Variants in GDF15 observed in about 807,000 individuals in gnomAD.
The protein encoded by GDF15 is growth/differentiation factor 15.
A neutral mutation model predicts 8.9 loss-of-function variants in GDF15; 10 were observed. The ratio of observed to expected loss-of-function variants is 1.12; its 90% CI spans 0.69 to 1.90. The LOEUF (loss-of-function observed/expected upper bound fraction) is 1.90, where lower values mean the gene tolerates loss of function less well. Among genes scored for constraint, GDF15 ranks in the 40% most tolerant of loss-of-function variants. The pLI, the probability that GDF15 is intolerant of heterozygous loss-of-function variation, is 0.00. For synonymous variants in GDF15, 228 were observed against 210.6 expected, an observed-to-expected ratio of 1.08 and a Z score of -0.72; for missense variants, 452 against 434.2, an observed-to-expected ratio of 1.04 and a Z score of -0.36.
chr19:18,386,819 C>T, intron 1 of GDF15: 1 of 285,936 alleles, frequency 3.5e-6, no homozygotes. Context: ...CCAAGAGAAA[C>T]AATGGGGGTG....
In GDF15 at chr19:18,388,281, C is replaced by A. The variant is rs763610802; in HGVS notation, c.278-5C>A. 6.2e-7 allele frequency: 1 copy of A among 1,610,112 alleles called. No individual in the cohort carries two copies. The highest frequency in any genetic ancestry group is 8.5e-7 in the Non-Finnish European group (1 of 1,179,394). On this transcript the variant is annotated splice_region_variant and splice_polypyrimidine_tract_variant and intron_variant, in intron 1 of 1. Coordinates refer to ENST00000252809, the MANE Select transcript of GDF15 (RefSeq NM_004864.4). The surrounding 1 kb of genome is among the most constrained non-coding windows in gnomAD (Gnocchi z 4.2). ...TGACCAGCTTCCCTATCTGTCTTCC[C>A]ACAGTGCGGCTGGGATCCGGCGGCC...
rs1305037947 is a variant in GDF15, at chr19:18,388,937, C to T, written c.*2C>T. ...GCCAAAGACTGCCACTGCATATGAG[C>T]AGTCCTGGTCCTTCCACTGTGCACC... On this transcript the variant is annotated 3_prime_UTR_variant, in exon 2 of 2. Transcript: ENST00000252809. The surrounding 1 kb of genome is among the most constrained non-coding windows in gnomAD (Gnocchi z 4.2). 3 of 1,586,596 alleles carry T rather than the reference C, an allele frequency of 1.9e-6. No homozygotes were observed. Among genetic ancestry groups the T allele is most frequent in the Admixed American group, 3.4e-5 (2 of 59,044 alleles).
At position 18,387,902 on chromosome 19, in the gene GDF15, ACCTCCACCGCCCC is replaced by A. The variant is rs1971849941; in HGVS notation, c.278-383_278-371del. Among the ~76,000 whole-genome samples, 4 of 141,030 alleles carry A rather than the reference ACCTCCACCGCCCC, an allele frequency of 2.8e-5. No homozygotes were observed. In the Admixed American group the frequency reaches 3.0e-4, roughly 11 times the overall value. The allele number at this position is 141,030 out of a possible 152,430, so 92.5% of individuals were successfully genotyped here. ...AGTGGCACGATCTTGGCTCACTGCA[ACCTCCACCGCCCC>A]GATTCAAGCCATTCTTCTGCCTCAG... is the stretch of plus-strand genomic sequence containing the variant. On this transcript the variant is annotated intron_variant, in intron 1 of 1. Coordinates refer to ENST00000252809, the MANE Select transcript of GDF15 (RefSeq NM_004864.4).
At position 18,388,652 on chromosome 19, in the gene GDF15, C is replaced by T; in HGVS notation, c.644C>T (p.Thr215Met). Residue 215 changes from threonine to methionine, a missense_variant, in exon 2 of 2, where the codon ACG becomes ATG. Transcript: ENST00000252809. The surrounding 1 kb of genome is among the most constrained non-coding windows in gnomAD (Gnocchi z 4.2). ...CCCGGGCGTTGCTGCCGTCTGCACA[C>T]GGTCCGCGCGTCGCTGGAAGACCTG... ...LGPGRCCRLH[T>M]VRASLEDLGW... The T allele has an allele frequency of 6.2e-7, 1 of 1,601,376 alleles. No individual in the cohort carries two copies. Among genetic ancestry groups the T allele is most frequent in the Non-Finnish European group, 8.5e-7 (1 of 1,174,908 alleles).
At position 18,387,125 on chromosome 19, in the gene GDF15, C is replaced by T. The variant is rs778775416; in HGVS notation, c.277+659C>T. On this transcript the variant is annotated intron_variant, in intron 1 of 1. Coordinates refer to ENST00000252809, the MANE Select transcript of GDF15 (RefSeq NM_004864.4). ...CGGCAAACCTCTCACCCTTGCTAAG[C>T]CTAGCAACTAGGTTAAGGCACCCTC... 2.0e-5 allele frequency: 3 copies of T among 152,978 alleles called. No individual in the cohort carries two copies. The East Asian group carries it at 5.8e-4, about 30-fold the overall frequency. The allele number at this position is 152,978 out of a possible 1,614,324, so 9.5% of individuals were successfully genotyped here.
chr19:18,388,589 G>A lies in GDF15; in HGVS notation c.581G>A (p.Arg194Lys), dbSNP rs1404100401. Reference protein sequence around the residue: ...LRPQAARGRRRARARNGDHCP... With the variant: ...LRPQAARGRRKARARNGDHCP... ...CCGCAAGCCGCCAGGGGGCGCCGCA[G>A]AGCGCGTGCGCGCAACGGGGACCAC... is the stretch of plus-strand genomic sequence containing the variant. The change falls in exon 2 of 2, where the codon AGA becomes AAA. Residue 194 changes from arginine (R) to lysine (K), a missense_variant. By Grantham distance (26) the Arg-to-Lys change is conservative. Coordinates refer to ENST00000252809, the MANE Select transcript of GDF15 (RefSeq NM_004864.4). The surrounding 1 kb of genome is among the most constrained non-coding windows in gnomAD (Gnocchi z 4.2). 9 of 1,600,684 alleles carry A rather than the reference G, an allele frequency of 5.6e-6. No individual in the cohort carries two copies. Among genetic ancestry groups the A allele is most frequent in the Non-Finnish European group, 7.6e-6 (9 of 1,177,068 alleles).
intron 1 of GDF15, 58 bp downstream of exon 1, chr19:18,386,524 G>C (rs912186813): frequency 7.0e-7 from 1 of 1,429,544 alleles, no homozygotes; most frequent in East Asian, 2.4e-5. Flanking sequence ...TATCTAATCA[G>C]GGATTCCTCA....
At chr19:18,386,822 TG>T (rs1356813092) in intron 1 of GDF15, 20 of 267,216 alleles carry the variant, frequency 7.5e-5, no homozygotes, top group African/African-American at 1.3e-4. Flanking sequence ...AGAGAAACAA[TG>T]GGGGTGTGGT....
At position 18,386,319 on chromosome 19, in the gene GDF15, TCA is replaced by T. The variant is rs1310857071; in HGVS notation, c.131_132del (p.Ser44Ter). The T allele has an allele frequency of 1.2e-6, 2 of 1,613,992 alleles. No homozygotes were observed. Among genetic ancestry groups the T allele is most frequent in the Non-Finnish European group, 1.7e-6 (2 of 1,180,034 alleles). On this transcript the variant is annotated frameshift_variant, in exon 1 of 2. Transcript: ENST00000252809. LOFTEE classifies it high-confidence loss of function. ...GAGCCGCGCAAGTTTCCCGGGACCC[TCA>T]GAGTTGCACTCCGAAGACTCCAGAT... ...EASRASFPGP[S>X]ELHSEDSRFR... is the part of the protein sequence containing the mutation.
Position 18,388,254 on chromosome 19 carries a change from G to A in GDF15, c.278-32G>A. The A allele has an allele frequency of 6.2e-7, 1 of 1,601,124 alleles. No homozygotes were observed. The highest frequency in any genetic ancestry group is 1.1e-5 in the South Asian group (1 of 90,356). On this transcript the variant is annotated intron_variant, in intron 1 of 1. Transcript: ENST00000252809. This position sits in a 1 kb window ranked among gnomAD's most constrained non-coding sequence, Gnocchi z 4.2. ...GTTCCTGGAAAACGGTAGGCCTGTG[G>A]GTGACCAGCTTCCCTATCTGTCTTC...
chr19:18,386,525 G>A (rs1971834028), intron 1 of GDF15, 59 bp downstream of exon 1: 1 of 1,426,380 alleles, frequency 7.0e-7, no homozygotes, highest in Non-Finnish European at 9.7e-7. Flanking sequence ...ATCTAATCAG[G>A]GATTCCTCAT....
In GDF15 at chr19:18,388,828, T is replaced by G; in HGVS notation, c.820T>G (p.Cys274Gly). Residue 274 changes from cysteine to glycine, a missense_variant, in exon 2 of 2, where the codon TGC becomes GGC. Physicochemically the swap from Cys to Gly is radical, Grantham distance 159. Coordinates refer to ENST00000252809, the MANE Select transcript of GDF15 (RefSeq NM_004864.4). The surrounding 1 kb of genome is among the most constrained non-coding windows in gnomAD (Gnocchi z 4.2). ...GCCCGACACGGTGCCAGCGCCCTGCTGCGTGCCCGCCAGCTACAATCCCAT... is the reference window on the plus strand; with the variant it reads ...GCCCGACACGGTGCCAGCGCCCTGCGGCGTGCCCGCCAGCTACAATCCCAT... ...LKPDTVPAPC[C>G]VPASYNPMVL... The G allele has an allele frequency of 6.2e-7, 1 of 1,612,272 alleles. No individual in the cohort carries two copies. The highest frequency in any genetic ancestry group is 8.5e-7 in the Non-Finnish European group (1 of 1,179,984).
rs2144616595 is a variant in GDF15 at position 18,388,683 on chromosome 19, G to A, written c.675G>A (p.Trp225Ter). The change falls in exon 2 of 2, where the codon TGG becomes TGA. Residue 225 changes from tryptophan (W) to a stop codon, truncating the protein, a stop_gained. Transcript: ENST00000252809. LOFTEE classifies it low-confidence loss of function (END_TRUNC). This position sits in a 1 kb window ranked among gnomAD's most constrained non-coding sequence, Gnocchi z 4.2. ...GCGCGTCGCTGGAAGACCTGGGCTG[G>A]GCCGATTGGGTGCTGTCGCCACGGG... ...TVRASLEDLG[W>*]ADWVLSPREV... 6.2e-7 allele frequency: 1 copy of A among 1,607,602 alleles called. No homozygotes were observed. Among genetic ancestry groups the A allele is most frequent in the Non-Finnish European group, 8.5e-7 (1 of 1,178,114 alleles).
chr19:18,387,813 C>CTTTTTTTTTTTTTTTTTTTTTTTTTTTT (rs538473844), intron 1 of GDF15, among the ~76,000 whole-genome samples: 4 of 70,328 alleles, frequency 5.7e-5, no homozygotes, highest in African/African-American at 1.6e-4. Context: ...GAGAAATGCC[C>CTTTTTTTTTTTTTTTTTTTTTTTTTTTT]TTTTTTTTTT....
At position 18,388,494 on chromosome 19, in the gene GDF15, G is replaced by C. The variant is rs777034751; in HGVS notation, c.486G>C (p.Pro162=). Residue 162 remains proline (P), a synonymous_variant, in exon 2 of 2, where the codon CCG becomes CCC. Coordinates refer to ENST00000252809, the MANE Select transcript of GDF15 (RefSeq NM_004864.4). The surrounding 1 kb of genome is among the most constrained non-coding windows in gnomAD (Gnocchi z 4.2). ...APALHLRLSP[P]PSQSDQLLAE... ...CGCTGCACCTGCGACTGTCGCCGCCGCCGTCGCAGTCGGACCAACTGCTGG... is the reference window on the plus strand; with the variant it reads ...CGCTGCACCTGCGACTGTCGCCGCCCCCGTCGCAGTCGGACCAACTGCTGG... 6.2e-7 allele frequency: 1 copy of C among 1,604,472 alleles called. No homozygotes were observed. The highest frequency in any genetic ancestry group is 8.5e-7 in the Non-Finnish European group (1 of 1,177,656).
Position 18,388,019 on chromosome 19 carries a change from T to A in GDF15, c.278-267T>A, listed in dbSNP as rs1971851220. Among the ~76,000 whole-genome samples, 1 of 152,010 alleles carries A rather than the reference T, an allele frequency of 6.6e-6. No homozygotes were observed. Among genetic ancestry groups the A allele is most frequent in the Non-Finnish European group, 1.5e-5 (1 of 68,002 alleles). On this transcript the variant is annotated intron_variant, in intron 1 of 1. Transcript: ENST00000252809. This position sits in a 1 kb window ranked among gnomAD's most constrained non-coding sequence, Gnocchi z 4.2. ...GGTATTTTTAGTAGAAGCGGGCGTTTCACCATATTGGCCACATATCGGCCA... is the reference window on the plus strand; with the variant it reads ...GGTATTTTTAGTAGAAGCGGGCGTTACACCATATTGGCCACATATCGGCCA...
chr19:18,386,936 T>C, intron 1 of GDF15: 1 of 176,124 alleles, frequency 5.7e-6, no homozygotes, highest in Non-Finnish European at 1.2e-5. Context: ...AACGAGCGAC[T>C]TGTTAGGGGA....
intron 1 of GDF15, among the ~76,000 whole-genome samples, chr19:18,387,206 T>C (rs1282045073): frequency 6.6e-6 from 1 of 152,134 alleles, no homozygotes; most frequent in Non-Finnish European, 1.5e-5. Flanking sequence ...GGGCTGTGAT[T>C]CCTAGAGGCT....
rs746494128 is a variant in GDF15 at position 18,386,415 on chromosome 19, TCGAACAC to T, written c.230_236del (p.Asn77ThrfsTer59). 2 of 1,613,620 alleles carry T rather than the reference TCGAACAC, an allele frequency of 1.2e-6. No homozygotes were observed. Among genetic ancestry groups the T allele is most frequent in the Non-Finnish European group, 1.7e-6 (2 of 1,180,010 alleles). ...GCGGGCCAACCAGAGCTGGGAAGAT[TCGAACAC>T]CGACCTCGTCCCGGCCCCTGCAGTC... On this transcript the variant is annotated frameshift_variant, in exon 1 of 2. Transcript: ENST00000252809. LOFTEE classifies it low-confidence loss of function (END_TRUNC).
Sources: allele counts gnomAD v4.1 joint callset (sites outside exome capture counted in the v4.1 genomes callset), GRCh38; gene constraint gnomAD v4.1.1; non-coding constraint Gnocchi (gnomAD v3.1); transcripts MANE v1.5; gene names NCBI Gene and HGNC (gene_info 2026-07-23, HGNC 2026-07-21).